The following KIAA1958 variants were observed in gnomAD, a reference collection of about 807,000 sequenced individuals.
The protein encoded by KIAA1958 is KIAA1958.
In KIAA1958, 14 loss-of-function variants were observed where a neutral mutation model predicts 47.2. The observed-to-expected ratio is 0.30, with a 90% CI of 0.20 to 0.46. KIAA1958 has a LOEUF of 0.46. Ranked by LOEUF, KIAA1958 falls within the 20% of genes least tolerant of loss-of-function variation. The pLI is 1.00. For missense variants in KIAA1958, 803 were observed against 909.2 expected (o/e 0.88, Z 1.50); for synonymous variants, 354 against 353.3 (o/e 1.00, Z -0.02).
intron 2 of KIAA1958, among the ~76,000 whole-genome samples, chr9:112,591,229 G>A (rs1835913776): frequency 6.6e-6 from 1 of 151,968 alleles, no homozygotes; most frequent in African/African-American, 2.4e-5. Context: ...GACTACAGGT[G>A]CCCACCACCA....
At chr9:112,513,179 A>AT (rs1834350536) in intron 1 of KIAA1958, among the ~76,000 whole-genome samples, 1 of 144,472 alleles carries the variant, frequency 6.9e-6, no homozygotes, top group Non-Finnish European at 1.5e-5. Flanking sequence ...TAATTTTTGT[A>AT]TTTTTAGTAG....
chr9:112,556,615 G>A (rs890199842), intron 1 of KIAA1958, among the ~76,000 whole-genome samples: 10 of 152,282 alleles, frequency 6.6e-5, no homozygotes, highest in Non-Finnish European at 1.3e-4. Context: ...AATTACAGGC[G>A]TGAGCCACTG....
At chr9:112,577,355 A>G (rs998784396) in intron 2 of KIAA1958, among the ~76,000 whole-genome samples, 4 of 152,230 alleles carry the variant, frequency 2.6e-5, no homozygotes, top group South Asian at 2.1e-4. Flanking sequence ...TTGAATAACA[A>G]TGTGGTCCTT....
rs1587995573 is a variant in KIAA1958, at chr9:112,513,193, C to T, written c.-25+26075C>T. 2.8e-5 allele frequency among the ~76,000 whole-genome samples: 4 copies of T among 140,798 alleles called. No individual in the cohort carries two copies. The East Asian group carries it at 6.3e-4, about 22-fold the overall frequency. 92.4% of individuals were successfully genotyped at this position (140,798 alleles called of 152,430 possible). ...CTAATTTTTGTATTTTTAGTAGAGA[C>T]GGGGTTTCACCATGTTGGCCAGGCT... On this transcript the variant is annotated intron_variant, in intron 1 of 3. Coordinates refer to ENST00000337530, the MANE Select transcript of KIAA1958 (RefSeq NM_133465.4).
In KIAA1958 at chr9:112,577,253, GTA is replaced by G. The variant is rs1835661817; in HGVS notation, c.1171+2007_1171+2008del. On this transcript the variant is annotated intron_variant, in intron 2 of 3. Coordinates refer to ENST00000337530, the MANE Select transcript of KIAA1958 (RefSeq NM_133465.4). ...GTGCTGAATATGAGATCCTTATCAGGTATATAATTGGCAAGTATTTTCTCCCA... is the reference window on the plus strand; with the variant it reads ...GTGCTGAATATGAGATCCTTATCAGGTATAATTGGCAAGTATTTTCTCCCA... Among the ~76,000 whole-genome samples, 3 of 152,056 alleles carry G rather than the reference GTA, an allele frequency of 2.0e-5. No homozygotes were observed. In the South Asian group the frequency reaches 6.2e-4, roughly 32 times the overall value.
chr9:112,631,780 C>G (rs1046702807), intron 2 of KIAA1958, among the ~76,000 whole-genome samples: 2 of 152,098 alleles, frequency 1.3e-5, no homozygotes, highest in African/African-American at 4.8e-5. Flanking sequence ...GCTGTAGTTA[C>G]CATTTTGTAT....
intron 1 of KIAA1958, among the ~76,000 whole-genome samples, chr9:112,572,600 G>T (rs866283502): frequency 1.3e-5 from 2 of 152,356 alleles, no homozygotes; most frequent in Middle Eastern, 3.4e-3. Context: ...CAGAAAGGGG[G>T]TCTGGAAAGA....
At chr9:112,509,418 C>T (rs1262893868) in intron 1 of KIAA1958, among the ~76,000 whole-genome samples, 1 of 151,766 alleles carries the variant, frequency 6.6e-6, no homozygotes, top group African/African-American at 2.4e-5. Context: ...TCAGGCTCAT[C>T]TCGAACTCCT....
chr9:112,523,074 C>G (rs1834576960), intron 1 of KIAA1958, among the ~76,000 whole-genome samples: 1 of 152,222 alleles, frequency 6.6e-6, no homozygotes, highest in Non-Finnish European at 1.5e-5. Context: ...TAGATACCAT[C>G]ATAGCACTCA....
At chr9:112,510,768 A>C (rs1490057668) in intron 1 of KIAA1958, among the ~76,000 whole-genome samples, 7 of 152,062 alleles carry the variant, frequency 4.6e-5, no homozygotes. Flanking sequence ...TAGGGGGCAT[A>C]GGGAGTGCCA....
Position 112,550,793 on chromosome 9 carries a change from G to T in KIAA1958, c.-24-23264G>T, listed in dbSNP as rs116216400. Among the ~76,000 whole-genome samples the T allele has an allele frequency of 3.4e-3, 519 of 152,184 alleles. 3 individuals are homozygous for T. Among genetic ancestry groups the T allele is most frequent in the African/African-American group, 0.012 (487 of 41,480 alleles). ...TCAGTCATGTAAACTTGTATCACCT[G>T]TGTGAACCTATCACCTGTGTGAACC... On this transcript the variant is annotated intron_variant, in intron 1 of 3. Coordinates refer to ENST00000337530, the MANE Select transcript of KIAA1958 (RefSeq NM_133465.4).
chr9:112,627,987 G>A (rs1836647215), intron 2 of KIAA1958, among the ~76,000 whole-genome samples: 1 of 152,080 alleles, frequency 6.6e-6, no homozygotes, highest in Non-Finnish European at 1.5e-5. Context: ...AGAGAAAATC[G>A]TTTCAACATA....
intron 2 of KIAA1958, among the ~76,000 whole-genome samples, chr9:112,625,523 GTTAGGGTGT>G (rs1181208071): frequency 6.6e-6 from 1 of 151,810 alleles, no homozygotes; most frequent in East Asian, 1.9e-4. Context: ...CTCACACCCT[GTTAGGGTGT>G]GAGCTTTCCC....
chr9:112,619,847 G>T (rs770406523), intron 2 of KIAA1958, among the ~76,000 whole-genome samples: 190 of 152,232 alleles, frequency 1.2e-3, no homozygotes, highest in South Asian at 2.5e-3. Flanking sequence ...TCTAGAAGCA[G>T]TAGTCGAGAC....
chr9:112,492,752 C>CT (rs1350178412), intron 1 of KIAA1958, among the ~76,000 whole-genome samples: 2 of 151,774 alleles, frequency 1.3e-5, no homozygotes, highest in Non-Finnish European at 1.5e-5. Flanking sequence ...GTACAAAATC[C>CT]TTTTTTTGTT....
chr9:112,535,143 C>T (rs188755204), intron 1 of KIAA1958, among the ~76,000 whole-genome samples: 397 of 152,170 alleles, frequency 2.6e-3, no homozygotes, highest in Non-Finnish European at 4.4e-3. Flanking sequence ...TTCAAGTGTA[C>T]GATATAAACT....
chr9:112,589,550 C>A (rs1405632701), intron 2 of KIAA1958, among the ~76,000 whole-genome samples: 1 of 152,174 alleles, frequency 6.6e-6, no homozygotes, highest in Admixed American at 6.5e-5. Context: ...CGAGATTGCT[C>A]CAGCCTGAGC....
At chr9:112,653,257 T>C (rs1021729070) in intron 3 of KIAA1958, among the ~76,000 whole-genome samples, 6 of 152,192 alleles carry the variant, frequency 3.9e-5, no homozygotes, top group Admixed American at 1.3e-4. Flanking sequence ...AAAGGTCTTA[T>C]GGTTTCTAGT....
At chr9:112,581,454 G>A (rs1835733459) in intron 2 of KIAA1958, among the ~76,000 whole-genome samples, 1 of 152,142 alleles carries the variant, frequency 6.6e-6, no homozygotes, top group Admixed American at 6.5e-5. Flanking sequence ...ATCACCACCA[G>A]CATTACCTGG....
Sources: gnomAD v4.1 joint callset for allele counts (sites outside exome capture counted in the v4.1 genomes callset) on GRCh38, gnomAD v4.1.1 for gene constraint, MANE v1.5 for transcripts, NCBI Gene and HGNC (gene_info 2026-07-23, HGNC 2026-07-21) for gene names.